KCNH8: variants seen among roughly 807,000 people sequenced by gnomAD.
The protein encoded by KCNH8 is potassium voltage-gated channel subfamily H member 8, also known as voltage-gated delayed rectifier potassium channel KCNH8.
KCNH8 carries 70 observed loss-of-function variants against 103.6 expected under a neutral mutation model. The observed-to-expected ratio is 0.68, with a 90% CI of 0.56 to 0.82. The LOEUF (loss-of-function observed/expected upper bound fraction) is 0.82. Among genes scored for constraint, KCNH8 ranks in the 40% least tolerant of loss-of-function variants. The pLI is 0.00. For missense variants in KCNH8, 1,217 were observed against 1,329.9 expected, an observed-to-expected ratio of 0.92 and a Z score of 1.32; for synonymous variants, 498 against 489.4, an observed-to-expected ratio of 1.02 and a Z score of -0.23.
chr3:19,363,550 A>G (rs903625324), intron 5 of KCNH8, among the ~76,000 whole-genome samples: 5 of 152,198 alleles, frequency 3.3e-5, no homozygotes, highest in African/African-American at 1.2e-4. Flanking sequence ...ATTTACAAAT[A>G]CATACTTGCT....
At chr3:19,338,801 T>C (rs1158121303) in intron 3 of KCNH8, among the ~76,000 whole-genome samples, 1 of 152,130 alleles carries the variant, frequency 6.6e-6, no homozygotes, top group African/African-American at 2.4e-5. Flanking sequence ...TATTATGTTT[T>C]TGAGATATTT....
At chr3:19,357,572 G>A (rs572080637) in intron 5 of KCNH8, among the ~76,000 whole-genome samples, 23 of 151,830 alleles carry the variant, frequency 1.5e-4, no homozygotes, top group Non-Finnish European at 2.5e-4. Context: ...GAAATAGAAT[G>A]TCCTTTTTTA....
chr3:19,476,719 T>C (rs2067984435), intron 11 of KCNH8, among the ~76,000 whole-genome samples: 1 of 152,172 alleles, frequency 6.6e-6, no homozygotes, highest in African/African-American at 2.4e-5. Context: ...GTAGTCAGTT[T>C]TCTTCACATA....
At chr3:19,367,120 G>C (rs2125113178) in intron 5 of KCNH8, among the ~76,000 whole-genome samples, 1 of 151,928 alleles carries the variant, frequency 6.6e-6, no homozygotes, top group East Asian at 1.9e-4. Flanking sequence ...TTCCTCAACT[G>C]TGTCATTCTT....
intron 15 of KCNH8, among the ~76,000 whole-genome samples, chr3:19,527,285 G>A (rs1223318489): frequency 6.6e-6 from 1 of 152,054 alleles, no homozygotes; most frequent in Non-Finnish European, 1.5e-5. Context: ...TGCTAAGGCA[G>A]AAGAATAGTT....
At chr3:19,400,589 A>T (rs1423750762) in intron 7 of KCNH8, among the ~76,000 whole-genome samples, 1 of 152,004 alleles carries the variant, frequency 6.6e-6, no homozygotes, top group Admixed American at 6.6e-5. Flanking sequence ...AAGCGTATCC[A>T]TTGCAGATGC....
At position 19,338,020 on chromosome 3, in the gene KCNH8, G is replaced by A. The variant is rs146853588; in HGVS notation, c.443-4567G>A. Among the ~76,000 whole-genome samples the A allele has an allele frequency of 9.2e-5, 14 of 151,794 alleles. No individual in the cohort carries two copies. The East Asian group carries it at 2.5e-3, about 27-fold the overall frequency. On this transcript the variant is annotated intron_variant, in intron 3 of 15. Coordinates refer to ENST00000328405, the MANE Select transcript of KCNH8 (RefSeq NM_144633.3). Reference sequence around the variant, plus strand: ...GAGGCGGGGGGGGGAGAAAGAGGGAGTTATTCTTCTTATTCAAGTCGCTAC... The same window carrying A: ...GAGGCGGGGGGGGGAGAAAGAGGGAATTATTCTTCTTATTCAAGTCGCTAC...
intron 1 of KCNH8, among the ~76,000 whole-genome samples, chr3:19,173,213 A>C (rs1355911205): frequency 1.3e-5 from 2 of 152,096 alleles, no homozygotes; most frequent in East Asian, 3.9e-4. Flanking sequence ...CTTATGTGCA[A>C]CCTGGTTAGC....
intron 11 of KCNH8, among the ~76,000 whole-genome samples, chr3:19,481,497 A>T (rs1441832292): frequency 1.3e-5 from 2 of 152,170 alleles, no homozygotes; most frequent in African/African-American, 4.8e-5. Context: ...TCAAAATTGG[A>T]TAAGACTGCC....
intron 11 of KCNH8, among the ~76,000 whole-genome samples, chr3:19,486,415 C>G (rs745368203): frequency 3.3e-5 from 5 of 152,202 alleles, no homozygotes; most frequent in Admixed American, 6.5e-5. Context: ...CTTTTATATT[C>G]AGCTTTTGCC....
rs1222963491 is a variant in KCNH8, at chr3:19,260,506, A to G, written c.310+6619A>G. On this transcript the variant is annotated intron_variant, in intron 2 of 15. Coordinates refer to ENST00000328405, the MANE Select transcript of KCNH8 (RefSeq NM_144633.3). ...CTATAGGATATATATATATATATAT[A>G]TATATATATATATATATATATATAT... Among the ~76,000 whole-genome samples, 5 of 115,000 alleles carry G rather than the reference A, an allele frequency of 4.3e-5. No individual in the cohort carries two copies. The South Asian group carries it at 1.1e-3, about 26-fold the overall frequency. 75.4% of individuals were successfully genotyped at this position (115,000 alleles called of 152,430 possible). A position where few individuals can be genotyped will look rare whatever the true frequency, so the allele number is the denominator to read the frequency against.
intron 5 of KCNH8, among the ~76,000 whole-genome samples, chr3:19,366,289 T>G (rs892999778): frequency 6.6e-6 from 1 of 152,048 alleles, no homozygotes; most frequent in Admixed American, 6.6e-5. Flanking sequence ...ACAAGGAAAA[T>G]GAAGTTGTAT....
At chr3:19,373,345 T>C (rs960810246) in intron 5 of KCNH8, among the ~76,000 whole-genome samples, 7 of 152,018 alleles carry the variant, frequency 4.6e-5, no homozygotes, top group Non-Finnish European at 1.5e-5. Flanking sequence ...GTTGGGAGAG[T>C]GTATGTGTCA....
intron 1 of KCNH8, among the ~76,000 whole-genome samples, chr3:19,201,254 A>AAAAAAAAAAAAAAAAAAAAG (rs1559419872): frequency 2.8e-5 from 4 of 143,422 alleles, no homozygotes; most frequent in Non-Finnish European, 4.7e-5. Flanking sequence ...AAAAAAAAAA[A>AAAAAAAAAAAAAAAAAAAAG]AAAAAAAAGA....
intron 3 of KCNH8, among the ~76,000 whole-genome samples, chr3:19,341,180 A>T (rs531075803): frequency 6.6e-6 from 1 of 152,166 alleles, no homozygotes; most frequent in South Asian, 2.1e-4. Flanking sequence ...GCACATGTTC[A>T]CTTGAGGTGC....
At chr3:19,170,190 A>T (rs1441191296) in intron 1 of KCNH8, among the ~76,000 whole-genome samples, 1 of 152,136 alleles carries the variant, frequency 6.6e-6, no homozygotes, top group Non-Finnish European at 1.5e-5. Context: ...AAACATTCTA[A>T]GTATGTCTCT....
At chr3:19,397,583 T>C (rs927949785) in intron 7 of KCNH8, among the ~76,000 whole-genome samples, 1 of 151,064 alleles carries the variant, frequency 6.6e-6, no homozygotes, top group Non-Finnish European at 1.5e-5. Flanking sequence ...ATTTTTCTTA[T>C]TATGGGTCAG....
chr3:19,408,766 T>G (rs1396461738), intron 7 of KCNH8, among the ~76,000 whole-genome samples: 5 of 151,840 alleles, frequency 3.3e-5, no homozygotes, highest in African/African-American at 1.2e-4. Context: ...AGAAAGAAGC[T>G]CAGAGCCAGA....
At chr3:19,459,425 T>A (rs1019602916) in intron 11 of KCNH8, among the ~76,000 whole-genome samples, 3 of 152,020 alleles carry the variant, frequency 2.0e-5, no homozygotes, top group Non-Finnish European at 4.4e-5. Context: ...AAAATCAGGT[T>A]ATTTAATTTC....
Sources: allele counts gnomAD v4.1 joint callset (sites outside exome capture counted in the v4.1 genomes callset), GRCh38; gene constraint gnomAD v4.1.1; transcripts MANE v1.5; gene names NCBI Gene and HGNC (gene_info 2026-07-23, HGNC 2026-07-21).